The following ULBP3 variants were observed in gnomAD, a reference collection of about 807,000 sequenced individuals.
ULBP3 encodes the protein UL16 binding protein 3.
A neutral mutation model predicts 24.9 loss-of-function variants in ULBP3; 25 were observed. The observed-to-expected ratio is 1.00, with a 90% CI of 0.73 to 1.40. The LOEUF is 1.40. ULBP3 is among the 40% of genes most tolerant of loss of function. The probability of loss-of-function intolerance (pLI) is 0.00; values close to 1 mark genes in which losing one functional copy is unlikely to be tolerated. For missense variants in ULBP3, 306 were observed against 307.5 expected (o/e 1.00, Z 0.04); for synonymous variants, 114 against 114.7 (o/e 0.99, Z 0.04).
intron 2 of ULBP3, 22 bp from the exon 3 acceptor site, chr6:150,065,695 C>A: frequency 6.2e-7 from 1 of 1,613,080 alleles, no homozygotes; most frequent in Non-Finnish European, 8.5e-7. Context: ...AGAAAGAGAT[C>A]AGCCCTGGTG....
At chr6:150,068,600 A>G (rs186156524) in intron 1 of ULBP3, among the ~76,000 whole-genome samples, 1 of 152,266 alleles carries the variant, frequency 6.6e-6, no homozygotes, top group East Asian at 1.9e-4. Flanking sequence ...TGACTATTCT[A>G]TATGACGCTG....
chr6:150,068,205 C>G (rs373233429), intron 1 of ULBP3, among the ~76,000 whole-genome samples: 5 of 152,110 alleles, frequency 3.3e-5, no homozygotes, highest in African/African-American at 4.8e-5. Context: ...CCCTGGGGAC[C>G]GTTAATGCTA....
In ULBP3 at chr6:150,065,455, A is replaced by T; in HGVS notation, c.571T>A (p.Cys191Ser). Residue 191 changes from cysteine (C) to serine (S), a missense_variant, in exon 3 of 5, where the codon TGC (cysteine) becomes AGC (serine). Cys to Ser is a moderately radical substitution (Grantham distance 112). Transcript: ENST00000367339. ...TFFKMVSMRD[C>S]KSWLRDFLMH... is the part of the protein sequence containing the mutation. ...AGGAAGTCCCTAAGCCAGCTCTTGC[A>T]GTCTCTCATTGAGACCATCTTGAAG... The T allele has an allele frequency of 6.2e-7, 1 of 1,614,188 alleles. No individual in the cohort carries two copies. The highest frequency in any genetic ancestry group is 8.5e-7 in the Non-Finnish European group (1 of 1,180,010).
At chr6:150,067,133 T>C (rs1462189352) in intron 1 of ULBP3, among the ~76,000 whole-genome samples, 1 of 152,054 alleles carries the variant, frequency 6.6e-6, no homozygotes, top group African/African-American at 2.4e-5. Flanking sequence ...ATTTAAATAA[T>C]TACCACAAAG....
chr6:150,067,339 C>T (rs1776362225), intron 1 of ULBP3, among the ~76,000 whole-genome samples: 1 of 152,188 alleles, frequency 6.6e-6, no homozygotes, highest in South Asian at 2.1e-4. Context: ...CCCCACAGAG[C>T]CAGATGGGTA....
At chr6:150,067,590 T>C (rs1353131831) in intron 1 of ULBP3, among the ~76,000 whole-genome samples, 2 of 150,048 alleles carry the variant, frequency 1.3e-5, no homozygotes, top group Non-Finnish European at 1.5e-5. Flanking sequence ...CTACCGGGAA[T>C]GGATAGTGTT....
chr6:150,068,984 C>G lies in ULBP3; in HGVS notation c.83G>C (p.Arg28Pro), dbSNP rs1409122095. Residue 28 changes from arginine (R) to proline (P), a missense_variant, in exon 1 of 5, where the codon CGG becomes CCG. By Grantham distance (103) the Arg-to-Pro change is moderately radical. Transcript: ENST00000367339. ...GGCTCCATCCCCGAACTCACCGGCC[C>G]GCCCCGTCCCGGACCAGTCGAATAG... Reference protein sequence around the residue: ...YLLFDWSGTGRADAHSLWYNF... With the variant: ...YLLFDWSGTGPADAHSLWYNF... 1.2e-6 allele frequency: 2 copies of G among 1,608,370 alleles called. No individual in the cohort carries two copies. The highest frequency in any genetic ancestry group is 1.7e-6 in the Non-Finnish European group (2 of 1,176,796).
rs773833519 is a variant in ULBP3 at position 150,065,899 on chromosome 6, C to T, written c.352G>A (p.Gly118Arg). 1 of 1,614,088 alleles carries T rather than the reference C, an allele frequency of 6.2e-7. No homozygotes were observed. Among genetic ancestry groups the T allele is most frequent in the South Asian group, 1.1e-5 (1 of 91,072 alleles). Residue 118 changes from glycine to arginine, a missense_variant and splice_region_variant, in exon 2 of 5, where the codon GGA becomes AGA. By Grantham distance (125) the Gly-to-Arg change is moderately radical. Transcript: ENST00000367339. Reference protein sequence around the residue: ...DTELEDFTPSGPLTLQVRMSC... With the variant: ...DTELEDFTPSRPLTLQVRMSC... The stretch of plus-strand genomic sequence containing the variant: ...TCTGTCCTTGGTCTCTTTCACTCAC[C>T]ACTGGGTGTGAAATCCTCCAGCTCA...
At chr6:150,066,265 A>G (rs542690866) in intron 1 of ULBP3, 103 bp from the exon 2 acceptor site, 10 of 1,333,724 alleles carry the variant, frequency 7.5e-6, no homozygotes, top group Non-Finnish European at 7.1e-6. Context: ...CTGGCAGAGC[A>G]TGGATTTCTC....
At chr6:150,067,502 T>C (rs138905744) in intron 1 of ULBP3, among the ~76,000 whole-genome samples, 2 of 152,222 alleles carry the variant, frequency 1.3e-5, no homozygotes, top group African/African-American at 4.8e-5. Context: ...ACAGATGGAC[T>C]TCTGTGTCAG....
chr6:150,065,329 G>A lies in ULBP3; in HGVS notation c.628+69C>T. 1.9e-6 allele frequency: 3 copies of A among 1,588,378 alleles called. No individual in the cohort carries two copies. In the South Asian group the frequency reaches 3.5e-5, roughly 19 times the overall value. On this transcript the variant is annotated intron_variant, in intron 3 of 4. Transcript: ENST00000367339. ...CATACACCCACACCCACCATACTCA[G>A]ACACTGACAGACAAGGGTGTAACTC...
In ULBP3 at chr6:150,064,600, A is replaced by G. The variant is rs1463308613; in HGVS notation, c.*7T>C. 6.2e-7 allele frequency: 1 copy of G among 1,613,458 alleles called. No homozygotes were observed. On this transcript the variant is annotated 3_prime_UTR_variant, in exon 4 of 5. Transcript: ENST00000367339. ...CCCACAGTACCTGTCACTCTAAATGACTCTTCTCAGATGCCAGGGAGGATG... is the reference window on the plus strand; with the variant it reads ...CCCACAGTACCTGTCACTCTAAATGGCTCTTCTCAGATGCCAGGGAGGATG...
chr6:150,066,089 C>T lies in ULBP3; in HGVS notation c.162G>A (p.Gln54=). The T allele has an allele frequency of 1.2e-6, 2 of 1,614,180 alleles. No individual in the cohort carries two copies. Among genetic ancestry groups the T allele is most frequent in the Non-Finnish European group, 1.7e-6 (2 of 1,180,042 alleles). ...GAAAATTCTTCTGATCCACCTGGCT[C>T]TGGACCTCACACCACTGTTGCCCAT... ...PRHGQQWCEV[Q]SQVDQKNFLS... The change falls in exon 2 of 5, where the codon CAG becomes CAA. Residue 54 remains glutamine, a synonymous_variant. Transcript: ENST00000367339.
chr6:150,064,405 C>G (rs1211739256), intron 4 of ULBP3, among the ~76,000 whole-genome samples, 180 bp downstream of exon 4: 2 of 152,178 alleles, frequency 1.3e-5, no homozygotes, highest in African/African-American at 4.8e-5. Flanking sequence ...TCCATCAGAA[C>G]TCAAGGTTGA....
At chr6:150,064,860 G>C in intron 3 of ULBP3, 147 bp from the exon 4 acceptor site, 1 of 795,210 alleles carries the variant, frequency 1.3e-6, no homozygotes, top group South Asian at 1.8e-5. Context: ...AGGTCCTGGG[G>C]GTAGGAAGGG....
In ULBP3 at chr6:150,069,040, G is replaced by A. The variant is rs1182408556; in HGVS notation, c.27C>T (p.Ile9=). 6.2e-7 allele frequency: 1 copy of A among 1,612,294 alleles called. No homozygotes were observed. The highest frequency in any genetic ancestry group is 1.1e-5 in the South Asian group (1 of 90,890). Residue 9 remains isoleucine (I), a synonymous_variant, in exon 1 of 5, where the codon ATC becomes ATT. Coordinates refer to ENST00000367339, the MANE Select transcript of ULBP3 (RefSeq NM_024518.3). ...ACGGAAGAATCGCGAGGCGCGGAAG[G>A]ATCGCGGGGCTGGCGGCCGCTGCCA... MAAAASPA[I]LPRLAILPYL...
rs906768155 is a variant in ULBP3 at position 150,065,466 on chromosome 6, G to A, written c.560C>T (p.Ser187Leu). 4 of 1,613,984 alleles carry A rather than the reference G, an allele frequency of 2.5e-6. No homozygotes were observed. The African/African-American group carries it at 5.3e-5, about 22-fold the overall frequency. The change falls in exon 3 of 5, where the codon TCA becomes TTA. Residue 187 changes from serine to leucine, a missense_variant. Coordinates refer to ENST00000367339, the MANE Select transcript of ULBP3 (RefSeq NM_024518.3). ...SGLTTFFKMV[S>L]MRDCKSWLRD... is the part of the protein sequence containing the mutation. ...AAGCCAGCTCTTGCAGTCTCTCATT[G>A]AGACCATCTTGAAGAAGGTGGTCAG...
In ULBP3 at chr6:150,065,630, G is replaced by A. The variant is rs753344720; in HGVS notation, c.396C>T (p.Ala132=). 6.2e-6 allele frequency: 10 copies of A among 1,614,108 alleles called. No homozygotes were observed. The Admixed American group carries it at 8.3e-5, about 13-fold the overall frequency. Residue 132 remains alanine (A), a synonymous_variant, in exon 3 of 5, where the codon GCC becomes GCT. Transcript: ENST00000367339. ...LQVRMSCECE[A]DGYIRGSWQF... ...GCCAAGATCCACGGATGTATCCATCGGCTTCACACTCACAAGACATCCTGA... is the reference window on the plus strand; with the variant it reads ...GCCAAGATCCACGGATGTATCCATCAGCTTCACACTCACAAGACATCCTGA...
chr6:150,068,875 T>C, intron 1 of ULBP3, 104 bp downstream of exon 1: 1 of 1,226,104 alleles, frequency 8.2e-7, no homozygotes, highest in South Asian at 1.7e-5. Flanking sequence ...TCCGGGGAGA[T>C]CGCGCCGGTC....
Sources: gnomAD v4.1 joint callset for allele counts (sites outside exome capture counted in the v4.1 genomes callset) on GRCh38, gnomAD v4.1.1 for gene constraint, MANE v1.5 for transcripts, NCBI Gene and HGNC (gene_info 2026-07-23, HGNC 2026-07-21) for gene names.